PEX16: variants seen among roughly 807,000 people sequenced by gnomAD.
The protein encoded by PEX16 is peroxisomal biogenesis factor 16.
PEX16 carries 37 observed loss-of-function variants against 50.5 expected under a neutral mutation model. That is an observed-to-expected ratio of 0.73 (90% CI 0.56 to 0.96). The LOEUF (loss-of-function observed/expected upper bound fraction) is 0.96. PEX16 is among the 40% of genes least tolerant of loss of function. The pLI, the probability that PEX16 is intolerant of heterozygous loss-of-function variation, is 0.00. For synonymous variants in PEX16, 185 were observed against 190.3 expected (o/e 0.97, Z 0.23); for missense variants, 401 against 438.3 (o/e 0.91, Z 0.76).
intron 3 of PEX16, 111 bp downstream of exon 3, chr11:45,916,116 C>T (rs1216871504): frequency 3.5e-6 from 3 of 859,454 alleles, no homozygotes; most frequent in Non-Finnish European, 6.0e-6. Context: ...CTCAGATGGA[C>T]ATAGGCCTGT....
At position 45,915,896 on chromosome 11, in the gene PEX16, T is replaced by G. The variant is rs2086829483; in HGVS notation, c.226-60A>C. On this transcript the variant is annotated intron_variant, in intron 3 of 10. Coordinates refer to ENST00000378750, the MANE Select transcript of PEX16 (RefSeq NM_004813.4). The stretch of plus-strand genomic sequence containing the variant: ...TGGGACTACAGGGAGTCCCAGGCCC[T>G]TCTCCTAGGAGGGAGCTTCTCTGAC... 30 of 1,546,330 alleles carry G rather than the reference T, an allele frequency of 1.9e-5. 2 individuals are homozygous for G. The South Asian group carries it at 3.2e-4, about 17-fold the overall frequency.
intron 8 of PEX16, 96 bp downstream of exon 8, chr11:45,914,035 G>A (rs2086805516): frequency 2.5e-6 from 4 of 1,578,316 alleles, no homozygotes; most frequent in Non-Finnish European, 3.4e-6. Context: ...GGCAGCAACA[G>A]GAGGAGCAGG....
At chr11:45,918,072 C>G (rs1028936195), upstream of PEX16, 8 of 549,136 alleles carry the variant, frequency 1.5e-5, no homozygotes, top group African/African-American at 1.5e-4. Flanking sequence ...TTAGCACGCT[C>G]TCCGCCCCTG....
chr11:45,914,377 G>A lies in PEX16; in HGVS notation c.633C>T (p.Thr211=), dbSNP rs1320072269. The change falls in exon 7 of 11, where the codon ACC becomes ACT. Residue 211 remains threonine, a synonymous_variant. Coordinates refer to ENST00000378750, the MANE Select transcript of PEX16 (RefSeq NM_004813.4). ...QHHEELSATP[T]PLGLQETIAE... ...CGATGGTCTCCTGCAGCCCCAGGGGGGTGGGGGTCGCACTCAGCTCCTCGT... is the reference window on the plus strand; with the variant it reads ...CGATGGTCTCCTGCAGCCCCAGGGGAGTGGGGGTCGCACTCAGCTCCTCGT... 4 of 1,610,594 alleles carry A rather than the reference G, an allele frequency of 2.5e-6. No individual in the cohort carries two copies. Among genetic ancestry groups the A allele is most frequent in the Admixed American group, 1.7e-5 (1 of 60,008 alleles).
At position 45,915,986 on chromosome 11, in the gene PEX16, A is replaced by G. The variant is rs536705297; in HGVS notation, c.226-150T>C. The G allele has an allele frequency of 5.1e-4, 425 of 840,930 alleles. 3 individuals are homozygous for G. In the African/African-American group the frequency reaches 6.1e-3, roughly 12 times the overall value. The allele number at this position is 840,930 out of a possible 1,614,324, so 52.1% of individuals were successfully genotyped here. ...AGGTGTGAGTTCAAACACCAACTCC[A>G]CCATTAACAGGCTGGGGGACCTGAA... On this transcript the variant is annotated intron_variant, in intron 3 of 10. Coordinates refer to ENST00000378750, the MANE Select transcript of PEX16 (RefSeq NM_004813.4).
chr11:45,917,725 C>A lies in PEX16; in HGVS notation c.87G>T (p.Val29=). 2 of 1,561,052 alleles carry A rather than the reference C, an allele frequency of 1.3e-6. No individual in the cohort carries two copies. Among genetic ancestry groups the A allele is most frequent in the East Asian group, 2.4e-5 (1 of 42,088 alleles). Residue 29 remains valine, a synonymous_variant, in exon 1 of 11, where the codon GTG becomes GTT. Transcript: ENST00000378750. ...PAATAQLETA[V]RGFSYLLAGR... ...CTGCCAGCAGGTAACTGAAGCCCCGCACTGCTGTCTCCAGCTGGGCCGTGG... is the reference window on the plus strand; with the variant it reads ...CTGCCAGCAGGTAACTGAAGCCCCGAACTGCTGTCTCCAGCTGGGCCGTGG...
intron 1 of PEX16, 87 bp downstream of exon 1, chr11:45,917,613 G>C: frequency 6.7e-7 from 1 of 1,489,612 alleles, no homozygotes. Flanking sequence ...CAAGCACAGC[G>C]ATCACTACCC....
intron 4 of PEX16, 58 bp from the exon 5 acceptor site, chr11:45,915,626 G>T (rs1167128963): frequency 8.1e-6 from 13 of 1,612,902 alleles, no homozygotes; most frequent in Non-Finnish European, 9.3e-6. Context: ...GGAGGCCAGG[G>T]ATGCTCTGCT....
chr11:45,917,567 CT>C, intron 1 of PEX16, 74 bp from the exon 2 acceptor site: 1 of 1,574,950 alleles, frequency 6.3e-7, no homozygotes. Context: ...CGGAAATCCC[CT>C]CCCTACGCCC....
At chr11:45,918,167 C>T (rs775943828), upstream of PEX16, 1 of 403,836 alleles carries the variant, frequency 2.5e-6, no homozygotes, top group Non-Finnish European at 4.7e-6. Flanking sequence ...TCCGGTAAAG[C>T]CGGGCGGCAG....
intron 1 of PEX16, 37 bp from the exon 2 acceptor site, chr11:45,917,530 T>C (rs1049228975): frequency 6.2e-7 from 1 of 1,611,904 alleles, no homozygotes; most frequent in East Asian, 2.2e-5. Flanking sequence ...TGAGTGAGCA[T>C]CTGCCTCACA....
At position 45,914,687 on chromosome 11, in the gene PEX16, A is replaced by G; in HGVS notation, c.461-3T>C. 2 of 1,613,450 alleles carry G rather than the reference A, an allele frequency of 1.2e-6. No individual in the cohort carries two copies. The highest frequency in any genetic ancestry group is 1.7e-6 in the Non-Finnish European group (2 of 1,179,446). ...GTTGCCAGGGCTGTGGTCACCATCT[A>G]GCAGGGATAGACAGAAGGCCATACA... On this transcript the variant is annotated splice_region_variant and splice_polypyrimidine_tract_variant and intron_variant, in intron 5 of 10. Coordinates refer to ENST00000378750, the MANE Select transcript of PEX16 (RefSeq NM_004813.4).
At position 45,913,821 on chromosome 11, in the gene PEX16, G is replaced by A. The variant is rs200415017; in HGVS notation, c.885C>T (p.Ser295=). Reference sequence around the variant, plus strand: ...CTCAGGGTGTCCTGGGTGCTTACTCGGAGAAGCGGTCATAGAAAGGAGAGC... The same window carrying A: ...CTCAGGGTGTCCTGGGTGCTTACTCAGAGAAGCGGTCATAGAAAGGAGAGC... ...LLRSPFYDRF[S]EARILFLLQL... The change falls in exon 9 of 11, where the codon TCC becomes TCT. Residue 295 remains serine, a splice_region_variant and synonymous_variant. Transcript: ENST00000378750. The A allele has an allele frequency of 4.5e-5, 72 of 1,614,012 alleles. No homozygotes were observed. The highest frequency in any genetic ancestry group is 2.0e-4 in the Admixed American group (12 of 60,030).
At chr11:45,911,655 CA>C (rs905692480) in intron 9 of PEX16, among the ~76,000 whole-genome samples, 12 of 152,220 alleles carry the variant, frequency 7.9e-5, no homozygotes, top group African/African-American at 2.9e-4. Context: ...ACAGGCGCAT[CA>C]AATAACTTGC....
In PEX16 at chr11:45,917,438, A is replaced by C. The variant is rs1590797890; in HGVS notation, c.148+20T>G. 1.9e-6 allele frequency: 3 copies of C among 1,611,642 alleles called. No individual in the cohort carries two copies. Among genetic ancestry groups the C allele is most frequent in the Non-Finnish European group, 2.5e-6 (3 of 1,178,894 alleles). ...CCAGGCAGCCGATCCCCCATCCCCC[A>C]CCCCCAGAGCCCGGCTCACCCAGCT... On this transcript the variant is annotated intron_variant, in intron 2 of 10. Transcript: ENST00000378750.
At chr11:45,910,853 T>G (rs372427471) in intron 10 of PEX16, 45 bp downstream of exon 10, 3 of 1,502,732 alleles carry the variant, frequency 2.0e-6, no homozygotes, top group Non-Finnish European at 2.8e-6. Flanking sequence ...CTTGCATGCA[T>G]GCGCCTTCCA....
In PEX16 at chr11:45,915,523, G is replaced by C. The variant is rs758052398; in HGVS notation, c.405C>G (p.Leu135=). The C allele has an allele frequency of 6.2e-7, 1 of 1,614,180 alleles. No individual in the cohort carries two copies. Among genetic ancestry groups the C allele is most frequent in the Non-Finnish European group, 8.5e-7 (1 of 1,180,028 alleles). The part of the protein sequence containing the change: ...MLLLLWFKAG[L]QTSPPIVPLD... ...GTGGAACGATAGGGGGTGAAGTCTG[G>C]AGGCCAGCCTTGAACCAGAGCAGCA... The change falls in exon 5 of 11, where the codon CTC becomes CTG. Residue 135 remains leucine, a synonymous_variant. Coordinates refer to ENST00000378750, the MANE Select transcript of PEX16 (RefSeq NM_004813.4).
chr11:45,914,558 G>A, intron 6 of PEX16, 46 bp downstream of exon 6: 6 of 1,612,422 alleles, frequency 3.7e-6, no homozygotes, highest in Non-Finnish European at 5.1e-6. Flanking sequence ...CTCAAGCCCA[G>A]GCAGACAGCA....
At chr11:45,915,878 A>C (rs775185280) in intron 3 of PEX16, 42 bp from the exon 4 acceptor site, 22 of 1,584,442 alleles carry the variant, frequency 1.4e-5, no homozygotes, top group Admixed American at 8.4e-5. Context: ...GCCTGGGACT[A>C]CAGGGAGTCC....
Sources: gnomAD v4.1 joint callset for allele counts (sites outside exome capture counted in the v4.1 genomes callset) on GRCh38, gnomAD v4.1.1 for gene constraint, MANE v1.5 for transcripts, NCBI Gene and HGNC (gene_info 2026-07-23, HGNC 2026-07-21) for gene names.